SYT3: variants seen among roughly 807,000 people sequenced by gnomAD.
SYT3 encodes synaptotagmin-3.
A neutral mutation model predicts 50.6 loss-of-function variants in SYT3; 25 were observed. The ratio of observed to expected loss-of-function variants is 0.49; its 90% CI spans 0.36 to 0.69. The LOEUF (loss-of-function observed/expected upper bound fraction) is 0.69. Among genes scored for constraint, SYT3 ranks in the 30% least tolerant of loss-of-function variants. The pLI is 0.00. For missense variants in SYT3, 589 were observed against 793.6 expected (o/e 0.74, Z 3.10); for synonymous variants, 323 against 353.9 (o/e 0.91, Z 0.98).
the SYT3 span, among the ~76,000 whole-genome samples, chr19:50,653,741 C>G: frequency 7.2e-6 from 1 of 138,964 alleles, no homozygotes; most frequent in Non-Finnish European, 1.5e-5. Context: ...CACACACACA[C>G]GTTGTCTCAG....
At chr19:50,649,514 A>T in the SYT3 span, 1 of 1,536,116 alleles carries the variant, frequency 6.5e-7, no homozygotes, top group Non-Finnish European at 8.7e-7. Flanking sequence ...GAAGGCAGGT[A>T]CTGAGCTGTG....
chr19:50,653,966 G>A, the SYT3 span, among the ~76,000 whole-genome samples: 3 of 152,128 alleles, frequency 2.0e-5, no homozygotes, highest in African/African-American at 7.2e-5. Context: ...TCTGAGCTGG[G>A]AGGGGGGGAT....
chr19:50,631,485 C>A (rs1201063191), intron 4 of SYT3, among the ~76,000 whole-genome samples: 1 of 152,110 alleles, frequency 6.6e-6, no homozygotes, highest in Non-Finnish European at 1.5e-5. Flanking sequence ...GTTTTTCAAA[C>A]TTATTCTCAT....
Position 50,625,618 on chromosome 19 carries a change from T to C in SYT3, c.1403-54A>G. 1 of 1,510,218 alleles carries C rather than the reference T, an allele frequency of 6.6e-7. No homozygotes were observed. The highest frequency in any genetic ancestry group is 8.8e-7 in the Non-Finnish European group (1 of 1,132,302). The allele number at this position is 1,510,218 out of a possible 1,614,324, so 93.6% of individuals were successfully genotyped here. A position where few individuals can be genotyped will look rare whatever the true frequency, so the allele number is the denominator to read the frequency against. ...AGACTCACTCCCTCAGACCTAGGGG[T>C]CCAGGACCCCAGGCCCCGAGCCCCT... On this transcript the variant is annotated intron_variant, in intron 7 of 10. Coordinates refer to ENST00000600079, the MANE Select transcript of SYT3 (RefSeq NM_001160329.2). This position sits in a 1 kb window ranked among gnomAD's most constrained non-coding sequence, Gnocchi z 7.5.
chr19:50,649,703 T>C, the SYT3 span: 1 of 709,120 alleles, frequency 1.4e-6, no homozygotes, highest in Admixed American at 2.0e-5. Flanking sequence ...CCCATGAGCC[T>C]CTGCAGTTCC....
chr19:50,656,415 A>G, the SYT3 span: 1 of 1,475,142 alleles, frequency 6.8e-7, no homozygotes, highest in African/African-American at 1.4e-5. Context: ...CAGGCTGAGA[A>G]GCAGTGTGGC....
upstream of SYT3, among the ~76,000 whole-genome samples, chr19:50,640,256 G>C (rs1481821825): frequency 6.6e-6 from 1 of 152,180 alleles, no homozygotes; most frequent in Non-Finnish European, 1.5e-5. Context: ...GTACTAGCAG[G>C]GACCTGGGTT....
At chr19:50,652,037 G>A in the SYT3 span, among the ~76,000 whole-genome samples, 1 of 152,104 alleles carries the variant, frequency 6.6e-6, no homozygotes, top group African/African-American at 2.4e-5. Flanking sequence ...AGGCTGGCAT[G>A]AATTGACACC....
the SYT3 span, chr19:50,656,303 C>T: frequency 2.0e-6 from 3 of 1,536,250 alleles, no homozygotes; most frequent in Non-Finnish European, 2.6e-6. Flanking sequence ...AAGTTCCCCA[C>T]ACCACCAGCT....
intron 4 of SYT3, among the ~76,000 whole-genome samples, chr19:50,631,436 T>A (rs1568764359): frequency 2.0e-5 from 3 of 152,170 alleles, no homozygotes; most frequent in African/African-American, 4.8e-5. Flanking sequence ...AGTGCTGGGA[T>A]TACAGGCATG....
chr19:50,657,868 C>T, the SYT3 span: 1 of 1,302,094 alleles, frequency 7.7e-7, no homozygotes, highest in Non-Finnish European at 1.0e-6. Context: ...GCGATCCTTG[C>T]CCCTCAAATG....
At chr19:50,626,896 C>T (rs1984091927) in intron 6 of SYT3, among the ~76,000 whole-genome samples, 1 of 151,528 alleles carries the variant, frequency 6.6e-6, no homozygotes, top group African/African-American at 2.4e-5. Context: ...GGGGCAGAGA[C>T]CAGAGAGCGA....
Position 50,637,282 on chromosome 19 carries a change from G to T in SYT3, c.130C>A (p.Pro44Thr). 6.2e-7 allele frequency: 1 copy of T among 1,613,406 alleles called. No homozygotes were observed. The highest frequency in any genetic ancestry group is 8.5e-7 in the Non-Finnish European group (1 of 1,179,854). The change falls in exon 3 of 11, where the codon CCC becomes ACC. Residue 44 changes from proline (P) to threonine (T), a missense_variant. Physicochemically the swap from Pro to Thr is conservative, Grantham distance 38. Coordinates refer to ENST00000600079, the MANE Select transcript of SYT3 (RefSeq NM_001160329.2). This position sits in a 1 kb window ranked among gnomAD's most constrained non-coding sequence, Gnocchi z 4.9. Reference protein sequence around the residue: ...QEFNDRIRGYPRGPDADISVS... With the variant: ...QEFNDRIRGYTRGPDADISVS... Reference sequence around the variant, plus strand: ...TGCTGACCTGCATCTGGACCCCGGGGATAGCCTCGGATTCGGTCATTGAAC... The same window carrying T: ...TGCTGACCTGCATCTGGACCCCGGGTATAGCCTCGGATTCGGTCATTGAAC...
At chr19:50,634,136 T>A (rs369596563) in intron 3 of SYT3, among the ~76,000 whole-genome samples, 1 of 152,234 alleles carries the variant, frequency 6.6e-6, no homozygotes, top group Non-Finnish European at 1.5e-5. Flanking sequence ...GGTTTTAGGC[T>A]TCTTCAGTAA....
At position 50,625,167 on chromosome 19, in the gene SYT3, C is replaced by T; in HGVS notation, c.1702G>A (p.Val568Met). ...RKPVEHWHQL[V>M]EEKTVTSFTK... is the part of the protein sequence containing the mutation. ...GGTGTGGGACCCCTACTCACCTCCA[C>T]TAGCTGATGCCAGTGCTCCACGGGC... The change falls in exon 9 of 11, where the codon GTG becomes ATG. Residue 568 changes from valine to methionine, a missense_variant. Val to Met is a conservative substitution (Grantham distance 21). Transcript: ENST00000600079. This position sits in a 1 kb window ranked among gnomAD's most constrained non-coding sequence, Gnocchi z 7.5. 6.3e-7 allele frequency: 1 copy of T among 1,596,324 alleles called. No individual in the cohort carries two copies. The highest frequency in any genetic ancestry group is 1.3e-5 in the African/African-American group (1 of 74,586).
chr19:50,633,589 C>T (rs751600648), intron 3 of SYT3, among the ~76,000 whole-genome samples: 7 of 152,150 alleles, frequency 4.6e-5, no homozygotes, highest in Non-Finnish European at 7.3e-5. Context: ...CATATCTTGA[C>T]CACTCTGAAC....
Position 50,625,362 on chromosome 19 carries a change from G to T in SYT3, c.1574+31C>A. 1 of 1,535,668 alleles carries T rather than the reference G, an allele frequency of 6.5e-7. No homozygotes were observed. ...GGCCTGTCCCCACCCCAGCCCTCCT[G>T]CCTGACCCCCGCCCGGGCCGCGCCC... On this transcript the variant is annotated intron_variant, in intron 8 of 10. Transcript: ENST00000600079. This position sits in a 1 kb window ranked among gnomAD's most constrained non-coding sequence, Gnocchi z 7.5.
upstream of SYT3, among the ~76,000 whole-genome samples, chr19:50,642,876 G>A (rs1248205257): frequency 1.3e-5 from 2 of 152,140 alleles, no homozygotes; most frequent in Non-Finnish European, 2.9e-5. Flanking sequence ...TATCTCACTG[G>A]GTTATTTTGA....
At chr19:50,650,008 G>T in the SYT3 span, among the ~76,000 whole-genome samples, 1 of 151,660 alleles carries the variant, frequency 6.6e-6, no homozygotes, top group South Asian at 2.1e-4. Context: ...CTCTGTCCCC[G>T]CAGCCCTGTC....
Sources: gnomAD v4.1 joint callset for allele counts (sites outside exome capture counted in the v4.1 genomes callset) on GRCh38, gnomAD v4.1.1 for gene constraint, Gnocchi (gnomAD v3.1) non-coding constraint, MANE v1.5 for transcripts, NCBI Gene and HGNC (gene_info 2026-07-23, HGNC 2026-07-21) for gene names.